The following SYNPR variants were observed in gnomAD, a reference collection of about 807,000 sequenced individuals.
SYNPR encodes synaptoporin.
A neutral mutation model predicts 32.9 loss-of-function variants in SYNPR; 23 were observed. The ratio of observed to expected loss-of-function variants is 0.70; its 90% CI spans 0.50 to 0.99. The LOEUF is 0.99. Ranked by LOEUF, SYNPR falls within the 50% of genes least tolerant of loss-of-function variation. The probability of loss-of-function intolerance (pLI) is 0.00; values close to 1 mark genes in which losing one functional copy is unlikely to be tolerated. For missense variants in SYNPR, 318 were observed against 349.3 expected (o/e 0.91, Z 0.71); for synonymous variants, 146 against 135.9 (o/e 1.07, Z -0.52).
At chr3:63,533,743 C>T (rs1009358225) in intron 3 of SYNPR, among the ~76,000 whole-genome samples, 2 of 152,158 alleles carry the variant, frequency 1.3e-5, no homozygotes, top group Non-Finnish European at 2.9e-5. Flanking sequence ...ACCAGCCATG[C>T]TATTCAGGGT....
At chr3:63,453,588 C>A (rs1700422976) in intron 2 of SYNPR, among the ~76,000 whole-genome samples, 1 of 152,058 alleles carries the variant, frequency 6.6e-6, no homozygotes, top group South Asian at 2.1e-4. Flanking sequence ...CATTATCAGA[C>A]AAACATTAAA....
the SYNPR span, among the ~76,000 whole-genome samples, chr3:63,206,216 T>C: frequency 6.6e-6 from 1 of 152,166 alleles, no homozygotes. Flanking sequence ...TTAGGTGCCC[T>C]AAAATTTAAG....
intron 3 of SYNPR, among the ~76,000 whole-genome samples, chr3:63,517,879 T>C (rs1439806020): frequency 6.6e-6 from 1 of 152,120 alleles, no homozygotes; most frequent in Non-Finnish European, 1.5e-5. Flanking sequence ...TCCCTAAGAA[T>C]TCATAATGTA....
At chr3:63,417,773 C>A (rs999568967) in intron 2 of SYNPR, among the ~76,000 whole-genome samples, 1 of 152,224 alleles carries the variant, frequency 6.6e-6, no homozygotes, top group African/African-American at 2.4e-5. Context: ...ACCTTGGCCC[C>A]TTTTAGTCAT....
chr3:63,211,708 C>CTTTT, the SYNPR span, among the ~76,000 whole-genome samples: 2 of 146,878 alleles, frequency 1.4e-5, no homozygotes, highest in Non-Finnish European at 3.0e-5. Context: ...TTGAATCTTT[C>CTTTT]TTTTTTTTTT....
intron 2 of SYNPR, among the ~76,000 whole-genome samples, chr3:63,395,377 T>C (rs1429489737): frequency 6.6e-6 from 1 of 152,236 alleles, no homozygotes; most frequent in Non-Finnish European, 1.5e-5. Context: ...CCACACATTT[T>C]CAGTGTGGCT....
chr3:63,208,367 G>A, the SYNPR span, among the ~76,000 whole-genome samples: 3 of 152,140 alleles, frequency 2.0e-5, no homozygotes, highest in Non-Finnish European at 4.4e-5. Context: ...TGCTCCTCCT[G>A]AGAACTCCCT....
chr3:63,246,870 A>G (rs544516362), intron 1 of SYNPR, among the ~76,000 whole-genome samples: 5 of 151,340 alleles, frequency 3.3e-5, no homozygotes, highest in Non-Finnish European at 7.4e-5. Context: ...CCTTTATTTT[A>G]TCACCTACAC....
chr3:63,581,218 T>C (rs1241111212), intron 4 of SYNPR, among the ~76,000 whole-genome samples: 1 of 152,086 alleles, frequency 6.6e-6, no homozygotes, highest in Non-Finnish European at 1.5e-5. Flanking sequence ...CCAGTCTCTG[T>C]TCCAAAGCGA....
In SYNPR at chr3:63,429,234, G is replaced by A. The variant is rs529532362; in HGVS notation, c.85-51598G>A. 2.0e-5 allele frequency among the ~76,000 whole-genome samples: 3 copies of A among 152,350 alleles called. 1 individual carries two copies. The South Asian group carries it at 6.2e-4, about 32-fold the overall frequency. ...AGATCAACAACTACATTACTATGCTGAAAGGATTGTATCAATAATTTGCAT... is the reference window on the plus strand; with the variant it reads ...AGATCAACAACTACATTACTATGCTAAAAGGATTGTATCAATAATTTGCAT... On this transcript the variant is annotated intron_variant, in intron 2 of 5. Transcript: ENST00000478300.
At chr3:63,575,217 T>A (rs563482593) in intron 4 of SYNPR, among the ~76,000 whole-genome samples, 1 of 152,176 alleles carries the variant, frequency 6.6e-6, no homozygotes, top group Admixed American at 6.5e-5. Flanking sequence ...AAAAAGTTAA[T>A]GAAAAGAAAT....
intron 2 of SYNPR, among the ~76,000 whole-genome samples, chr3:63,329,353 A>G (rs552259633): frequency 6.6e-6 from 1 of 152,232 alleles, no homozygotes; most frequent in African/African-American, 2.4e-5. Context: ...CAGAGAGGTA[A>G]CTACCCCAAA....
At chr3:63,536,103 C>T (rs1047339470) in intron 3 of SYNPR, among the ~76,000 whole-genome samples, 1 of 151,348 alleles carries the variant, frequency 6.6e-6, no homozygotes, top group Non-Finnish European at 1.5e-5. Context: ...CTCATCTCTA[C>T]AAAAAATAAA....
chr3:63,382,670 G>A (rs1354372340), intron 2 of SYNPR, among the ~76,000 whole-genome samples: 1 of 152,182 alleles, frequency 6.6e-6, no homozygotes, highest in Non-Finnish European at 1.5e-5. Flanking sequence ...TCGGTGCCAA[G>A]GTCCCTGGCC....
intron 2 of SYNPR, among the ~76,000 whole-genome samples, chr3:63,286,547 T>A (rs1426598701): frequency 8.5e-6 from 1 of 117,400 alleles, no homozygotes; most frequent in South Asian, 2.9e-4. Flanking sequence ...TAGTTCTTTG[T>A]TCTGCAGACG....
At chr3:63,302,551 G>T (rs62253860) in intron 2 of SYNPR, among the ~76,000 whole-genome samples, 18,881 of 151,912 alleles carry the variant, frequency 0.12, 1,286 homozygotes, top group Non-Finnish European at 0.16. Flanking sequence ...TTAATTCAAT[G>T]GTCTTCAAAT....
At chr3:63,427,331 G>C (rs758671187) in intron 2 of SYNPR, 5 of 151,752 alleles carry the variant, frequency 3.3e-5, no homozygotes, top group Non-Finnish European at 7.4e-5. Flanking sequence ...TTTGGTTACA[G>C]CTCAAAGGAC....
chr3:63,542,084 C>A (rs1233328630), intron 3 of SYNPR, among the ~76,000 whole-genome samples: 4 of 152,084 alleles, frequency 2.6e-5, no homozygotes, highest in South Asian at 2.1e-4. Flanking sequence ...TCAACTGAAT[C>A]AATAAAAATT....
chr3:63,479,596 C>T (rs571299211), intron 2 of SYNPR, among the ~76,000 whole-genome samples: 12 of 151,928 alleles, frequency 7.9e-5, no homozygotes, highest in Non-Finnish European at 1.2e-4. Flanking sequence ...TTTTTTCTAC[C>T]CTTGATTAAG....
Sources: allele counts gnomAD v4.1 joint callset (sites outside exome capture counted in the v4.1 genomes callset), GRCh38; gene constraint gnomAD v4.1.1; transcripts MANE v1.5; gene names NCBI Gene and HGNC (gene_info 2026-07-23, HGNC 2026-07-21).